DLGAP2: variants seen among roughly 807,000 people sequenced by gnomAD.
DLGAP2 encodes disks large-associated protein 2.
Under a neutral mutation model 100.3 loss-of-function variants are expected in DLGAP2, and 26 were observed. The observed-to-expected ratio is 0.26, with a 90% confidence interval of 0.19 to 0.36. DLGAP2 has a LOEUF of 0.36. Among genes scored for constraint, DLGAP2 ranks in the 10% least tolerant of loss-of-function variants. The probability of loss-of-function intolerance (pLI) is 1.00; values close to 1 mark genes in which losing one functional copy is unlikely to be tolerated. For synonymous variants in DLGAP2, 886 were observed against 630.1 expected, an observed-to-expected ratio of 1.41 and a Z score of -6.08; for missense variants, 1,858 against 1,453.2, an observed-to-expected ratio of 1.28 and a Z score of -4.53.
chr8:1,499,931 A>T (rs1799658823), intron 3 of DLGAP2, among the ~76,000 whole-genome samples: 1 of 150,230 alleles, frequency 6.7e-6, no homozygotes, highest in Admixed American at 6.6e-5. Context: ...TCACACTCTG[A>T]AATAAATCCG....
At position 1,252,054 on chromosome 8, in the gene DLGAP2, C is replaced by G. The variant is rs566941592; in HGVS notation, c.74-6797C>G. 1.7e-3 allele frequency among the ~76,000 whole-genome samples: 252 copies of G among 144,386 alleles called. 2 individuals are homozygous for G. The highest frequency in any genetic ancestry group is 6.8e-3 in the African/African-American group (240 of 35,118). 94.7% of individuals were successfully genotyped at this position (144,386 alleles called of 152,430 possible). On this transcript the variant is annotated intron_variant, in intron 2 of 14. Transcript: ENST00000637795. The stretch of plus-strand genomic sequence containing the variant: ...AATGTCAGAGTCATGTCATGTCACA[C>G]TTGTCACACTGTGTTGTCGTGTGGG...
At chr8:1,084,739 A>G (rs895386923) in intron 2 of DLGAP2, among the ~76,000 whole-genome samples, 1 of 152,206 alleles carries the variant, frequency 6.6e-6, no homozygotes, top group Non-Finnish European at 1.5e-5. Context: ...ATATTGTTCC[A>G]TTGTGTGCGT....
chr8:823,345 T>C (rs1024392322), intron 1 of DLGAP2, among the ~76,000 whole-genome samples: 6 of 151,910 alleles, frequency 3.9e-5, no homozygotes, highest in Admixed American at 1.3e-4. Flanking sequence ...ATTATTGATA[T>C]CTGCTTTCCC....
intron 2 of DLGAP2, among the ~76,000 whole-genome samples, chr8:943,309 A>C (rs1799236989): frequency 6.6e-6 from 1 of 151,948 alleles, no homozygotes; most frequent in African/African-American, 2.4e-5. Context: ...GGGAAAAAAA[A>C]ATCATACGGC....
chr8:1,553,037 C>T (rs1366915262), intron 5 of DLGAP2, among the ~76,000 whole-genome samples: 1 of 152,216 alleles, frequency 6.6e-6, no homozygotes, highest in Non-Finnish European at 1.5e-5. Flanking sequence ...CTCTATGCCA[C>T]AGTCCACCGA....
At chr8:964,564 G>C (rs543461322) in intron 2 of DLGAP2, among the ~76,000 whole-genome samples, 1 of 152,252 alleles carries the variant, frequency 6.6e-6, no homozygotes, top group Non-Finnish European at 1.5e-5. Context: ...AATGTTGCTG[G>C]TATCTGCCGT....
chr8:1,227,455 A>G (rs1798445172), intron 2 of DLGAP2, among the ~76,000 whole-genome samples: 1 of 151,266 alleles, frequency 6.6e-6, no homozygotes, highest in African/African-American at 2.4e-5. Flanking sequence ...ATGTGAGATG[A>G]ATCTCTTGCA....
At chr8:804,628 A>C (rs144523538) in intron 1 of DLGAP2, among the ~76,000 whole-genome samples, 2 of 152,382 alleles carry the variant, frequency 1.3e-5, no homozygotes, top group East Asian at 3.9e-4. Flanking sequence ...AAGTTCTAGC[A>C]TAAGAAAAAA....
At chr8:1,613,339 C>T (rs576025956) in intron 6 of DLGAP2, among the ~76,000 whole-genome samples, 1 of 146,300 alleles carries the variant, frequency 6.8e-6, no homozygotes, top group African/African-American at 2.6e-5. Context: ...GGGAACTGAA[C>T]AATTAGAACA....
chr8:1,281,796 G>A (rs1799818779), intron 3 of DLGAP2, among the ~76,000 whole-genome samples: 1 of 152,158 alleles, frequency 6.6e-6, no homozygotes, highest in Non-Finnish European at 1.5e-5. Flanking sequence ...GGAGGGACGC[G>A]GTCCCACCCC....
chr8:904,582 T>G (rs866136613), intron 1 of DLGAP2, among the ~76,000 whole-genome samples: 111 of 152,270 alleles, frequency 7.3e-4, no homozygotes, highest in African/African-American at 2.6e-3. Flanking sequence ...CGGGGGTGCT[T>G]CTTCTCCACG....
At chr8:1,222,121 G>T (rs1394248947) in intron 2 of DLGAP2, among the ~76,000 whole-genome samples, 1 of 152,192 alleles carries the variant, frequency 6.6e-6, no homozygotes, top group Non-Finnish European at 1.5e-5. Context: ...TTGCCGGGGA[G>T]CTAGAGCAGT....
intron 6 of DLGAP2, among the ~76,000 whole-genome samples, chr8:1,566,743 G>A (rs182193226): frequency 6.6e-6 from 1 of 152,208 alleles, no homozygotes; most frequent in Non-Finnish European, 1.5e-5. Flanking sequence ...AGTGCACCCA[G>A]TGATGAGCCA....
rs1196899790 is a variant in DLGAP2 at position 1,702,152 on chromosome 8, A to AG, written c.*748dup. On this transcript the variant is annotated 3_prime_UTR_variant, in exon 15 of 15. Transcript: ENST00000637795. ...TCCCACCAGGAAGTCACGCGCAGAG[A>AG]GGAGAGTCTTACGGAGGGCTGGGAG... 6.6e-6 allele frequency: 1 copy of AG among 152,210 alleles called. No homozygotes were observed. The highest frequency in any genetic ancestry group is 1.5e-5 in the Non-Finnish European group (1 of 68,042). 9.4% of individuals were successfully genotyped at this position (152,210 alleles called of 1,614,324 possible).
chr8:1,211,277 G>A (rs537277208), intron 2 of DLGAP2, among the ~76,000 whole-genome samples: 4 of 152,318 alleles, frequency 2.6e-5, no homozygotes, highest in Non-Finnish European at 4.4e-5. Context: ...GGGTGGCCGT[G>A]GGGACGTTGT....
rs576972406 is a variant in DLGAP2, at chr8:817,433, C to G, written c.18+79608C>G. 8.5e-5 allele frequency among the ~76,000 whole-genome samples: 13 copies of G among 152,330 alleles called. No homozygotes were observed. The East Asian group carries it at 2.5e-3, about 29-fold the overall frequency. ...CTTTCTCTGCTGCGTCCTTGATTAG[C>G]TTAATAATTGACCTGCATTATTTTT... On this transcript the variant is annotated intron_variant, in intron 1 of 14. Transcript: ENST00000637795.
In DLGAP2 at chr8:1,553,004, C is replaced by G. The variant is rs193001954; in HGVS notation, c.1230+3321C>G. On this transcript the variant is annotated intron_variant, in intron 5 of 14. Coordinates refer to ENST00000637795, the MANE Select transcript of DLGAP2 (RefSeq NM_001346810.2). ...GGAATGCAGAACGGATTCGCCGTGGCTTAGCTCAGGATGCCAAAGGCTCTC... is the reference window on the plus strand; with the variant it reads ...GGAATGCAGAACGGATTCGCCGTGGGTTAGCTCAGGATGCCAAAGGCTCTC... Among the ~76,000 whole-genome samples the G allele has an allele frequency of 2.1e-3, 326 of 152,310 alleles. 3 individuals are homozygous for G. The highest frequency in any genetic ancestry group is 7.3e-3 in the African/African-American group (303 of 41,570).
intron 2 of DLGAP2, among the ~76,000 whole-genome samples, chr8:1,244,687 G>T (rs939998043): frequency 6.6e-6 from 1 of 152,196 alleles, no homozygotes; most frequent in Non-Finnish European, 1.5e-5. Flanking sequence ...CCGCAAGGAC[G>T]TGCATCTTTG....
chr8:1,223,898 A>G (rs911108607), intron 2 of DLGAP2, among the ~76,000 whole-genome samples: 2 of 152,230 alleles, frequency 1.3e-5, no homozygotes, highest in East Asian at 1.9e-4. Flanking sequence ...AATGTGTGAG[A>G]TGGAGAAAAA....
Sources: allele counts gnomAD v4.1 joint callset (sites outside exome capture counted in the v4.1 genomes callset), GRCh38; gene constraint gnomAD v4.1.1; transcripts MANE v1.5; gene names NCBI Gene and HGNC (gene_info 2026-07-23, HGNC 2026-07-21).